ARHGAP26: variants seen among roughly 807,000 people sequenced by gnomAD.
The protein encoded by ARHGAP26 is rho GTPase-activating protein 26.
Under a neutral mutation model 104.8 loss-of-function variants are expected in ARHGAP26, and 38 were observed. The observed-to-expected ratio is 0.36, with a 90% CI of 0.28 to 0.48. The LOEUF (loss-of-function observed/expected upper bound fraction) is 0.48. Among genes scored for constraint, ARHGAP26 ranks in the 20% least tolerant of loss-of-function variants. The probability of loss-of-function intolerance (pLI) is 0.99; values close to 1 mark genes in which losing one functional copy is unlikely to be tolerated. For synonymous variants in ARHGAP26, 341 were observed against 340.0 expected, an observed-to-expected ratio of 1.00 and a Z score of -0.03; for missense variants, 704 against 947.9, an observed-to-expected ratio of 0.74 and a Z score of 3.38.
chr5:142,867,332 G>A (rs57453637), intron 1 of ARHGAP26, among the ~76,000 whole-genome samples: 1 of 137,934 alleles, frequency 7.2e-6, no homozygotes, highest in African/African-American at 3.0e-5. Flanking sequence ...TGTGTGTTTT[G>A]TTTGTTTTTG....
At chr5:143,012,576 T>TATATATATATGTATA (rs1554195628) in intron 11 of ARHGAP26, among the ~76,000 whole-genome samples, 3 of 57,036 alleles carry the variant, frequency 5.3e-5, no homozygotes, top group Non-Finnish European at 1.6e-4. Flanking sequence ...TATATATATA[T>TATATATATATGTATA]TATGATCAGG....
chr5:143,143,902 A>G (rs564482064), intron 19 of ARHGAP26, among the ~76,000 whole-genome samples: 17 of 152,310 alleles, frequency 1.1e-4, no homozygotes, highest in African/African-American at 3.8e-4. Context: ...CATGCTTACC[A>G]TTATTTGGGG....
In ARHGAP26 at chr5:142,837,126, A is replaced by AT. The variant is rs1597840872; in HGVS notation, c.155-36268dup. On this transcript the variant is annotated intron_variant, in intron 1 of 22. Coordinates refer to ENST00000645722, the MANE Select transcript of ARHGAP26 (RefSeq NM_001135608.3). ...TCTTTCTTCACCTTATCCTCTTTCC[A>AT]TTTTTTCCTCTGAGTTCTTGGGATG... 2.0e-5 allele frequency among the ~76,000 whole-genome samples: 3 copies of AT among 152,076 alleles called. No individual in the cohort carries two copies. The South Asian group carries it at 6.2e-4, about 32-fold the overall frequency.
chr5:143,073,766 G>C lies in ARHGAP26; in HGVS notation c.1538+16019G>C, dbSNP rs1369595724. 1.3e-5 allele frequency among the ~76,000 whole-genome samples: 2 copies of C among 152,232 alleles called. 1 individual carries two copies. The highest frequency in any genetic ancestry group is 3.9e-4 in the East Asian group (2 of 5,180). The stretch of plus-strand genomic sequence containing the variant: ...ATCTTAACTTGGGTTTTCTTCTCCT[G>C]GCTTCTTTATTTTTGAATTTTTATG... On this transcript the variant is annotated intron_variant, in intron 17 of 22. Transcript: ENST00000645722.
At chr5:142,820,404 G>T (rs1179093317) in intron 1 of ARHGAP26, among the ~76,000 whole-genome samples, 1 of 152,092 alleles carries the variant, frequency 6.6e-6, no homozygotes, top group Non-Finnish European at 1.5e-5. Flanking sequence ...CAGTCATTTT[G>T]TGGTTGGGTT....
At chr5:143,065,414 T>G (rs1787338814) in intron 17 of ARHGAP26, among the ~76,000 whole-genome samples, 1 of 152,204 alleles carries the variant, frequency 6.6e-6, no homozygotes, top group Non-Finnish European at 1.5e-5. Flanking sequence ...AGAACAATTG[T>G]GGCTGAAACG....
intron 1 of ARHGAP26, among the ~76,000 whole-genome samples, chr5:142,837,190 G>C (rs1176238337): frequency 1.3e-5 from 2 of 152,130 alleles, no homozygotes; most frequent in African/African-American, 2.4e-5. Context: ...CTGGGATTAG[G>C]TTCCTTTTAA....
intron 5 of ARHGAP26, among the ~76,000 whole-genome samples, chr5:142,891,591 A>G (rs1244080157): frequency 7.2e-6 from 1 of 139,058 alleles, no homozygotes; most frequent in Non-Finnish European, 1.5e-5. Context: ...TGGATGGATG[A>G]TTTGCTAAGC....
rs143694586 is a variant in ARHGAP26 at position 143,015,834 on chromosome 5, T to C, written c.1144+1718T>C. Among the ~76,000 whole-genome samples the C allele has an allele frequency of 2.2e-3, 328 of 152,326 alleles. 2 individuals are homozygous for C. Among genetic ancestry groups the C allele is most frequent in the African/African-American group, 7.7e-3 (321 of 41,568 alleles). On this transcript the variant is annotated intron_variant, in intron 12 of 22. Transcript: ENST00000645722. ...TCTCTCTACTTGGGATAAATCCCAA[T>C]AGATTTGAAGGACAACCATGGTTCT...
intron 14 of ARHGAP26, among the ~76,000 whole-genome samples, chr5:143,049,807 G>A: frequency 6.6e-6 from 1 of 152,092 alleles, no homozygotes; most frequent in South Asian, 2.1e-4. Flanking sequence ...CCTGGTTTTG[G>A]TATTTGGTCA....
chr5:143,214,001 C>T lies in ARHGAP26; in HGVS notation c.2104C>T (p.Pro702Ser). The change falls in exon 22 of 23, where the codon CCG becomes TCG. Residue 702 changes from proline to serine, a missense_variant. Pro to Ser is a moderately conservative substitution (Grantham distance 74, BLOSUM62 -1). Coordinates refer to ENST00000645722, the MANE Select transcript of ARHGAP26 (RefSeq NM_001135608.3). Reference protein sequence around the residue: ...TSSDSSPVSTPFRKAKALYAC... With the variant: ...TSSDSSPVSTSFRKAKALYAC... ...TAAACTCCTGTTTTCACACAGCACACCGTTCCGGAAGGCAAAAGCCTTGTA... is the reference window on the plus strand; with the variant it reads ...TAAACTCCTGTTTTCACACAGCACATCGTTCCGGAAGGCAAAAGCCTTGTA... 1.9e-5 allele frequency: 30 copies of T among 1,586,552 alleles called. No homozygotes were observed. The highest frequency in any genetic ancestry group is 2.6e-5 in the Non-Finnish European group (30 of 1,160,102).
rs1324279906 is a variant in ARHGAP26 at position 143,228,286 on chromosome 5, A to G, written c.*5840A>G. ...ACAGCACATATTTACATCTATGAAG[A>G]CATAGACACTTACAGAGACCCACAT... On this transcript the variant is annotated 3_prime_UTR_variant, in exon 23 of 23. Coordinates refer to ENST00000645722, the MANE Select transcript of ARHGAP26 (RefSeq NM_001135608.3). The G allele has an allele frequency of 4.5e-6, 1 of 224,696 alleles. No individual in the cohort carries two copies. The highest frequency in any genetic ancestry group is 8.9e-6 in the Non-Finnish European group (1 of 112,826). The allele number at this position is 224,696 out of a possible 1,614,324, so 13.9% of individuals were successfully genotyped here. A position where few individuals can be genotyped will look rare whatever the true frequency, so the allele number is the denominator to read the frequency against.
At chr5:142,907,453 C>T (rs1414365326) in intron 8 of ARHGAP26, 1 of 237,394 alleles carries the variant, frequency 4.2e-6, no homozygotes, top group Non-Finnish European at 8.3e-6. Context: ...TTAAGACCCA[C>T]TGGATGTAGC....
At chr5:143,206,547 A>C (rs907298910) in intron 20 of ARHGAP26, among the ~76,000 whole-genome samples, 1 of 152,078 alleles carries the variant, frequency 6.6e-6, no homozygotes, top group African/African-American at 2.4e-5. Context: ...CCCAAATTCC[A>C]CGAAAGGAGA....
chr5:143,193,027 T>C (rs574861727), intron 20 of ARHGAP26, among the ~76,000 whole-genome samples: 1 of 152,212 alleles, frequency 6.6e-6, no homozygotes, highest in South Asian at 2.1e-4. Flanking sequence ...AAATATTAAA[T>C]GAAAAATTAT....
chr5:143,226,651 C>T lies in ARHGAP26; in HGVS notation c.*4205C>T, dbSNP rs1186735062. The T allele has an allele frequency of 4.6e-6, 1 of 216,322 alleles. No homozygotes were observed. Among genetic ancestry groups the T allele is most frequent in the Admixed American group, 5.8e-5 (1 of 17,140 alleles). The allele number at this position is 216,322 out of a possible 1,614,324, so 13.4% of individuals were successfully genotyped here. On this transcript the variant is annotated 3_prime_UTR_variant, in exon 23 of 23. Transcript: ENST00000645722. ...ATGGACCCTGTGCATTGTGGCCTGC[C>T]TTGGTGTCCTAGAATTGGAGCCAGT...
intron 1 of ARHGAP26, among the ~76,000 whole-genome samples, chr5:142,815,529 A>G (rs1252570720): frequency 6.6e-6 from 1 of 152,268 alleles, no homozygotes; most frequent in Non-Finnish European, 1.5e-5. Context: ...TGGTTAAAAA[A>G]GTTTGCTAAG....
intron 11 of ARHGAP26, among the ~76,000 whole-genome samples, chr5:142,998,937 A>T (rs964275577): frequency 6.6e-6 from 1 of 152,110 alleles, no homozygotes; most frequent in Non-Finnish European, 1.5e-5. Context: ...CTGTCAGCAG[A>T]TCCCAATTTT....
At chr5:143,156,147 AT>A (rs1266584347) in intron 20 of ARHGAP26, among the ~76,000 whole-genome samples, 2 of 152,180 alleles carry the variant, frequency 1.3e-5, no homozygotes, top group Admixed American at 1.3e-4. Flanking sequence ...ACCTCTGTGT[AT>A]TTAATCTGAG....
Sources: gnomAD v4.1 joint callset for allele counts (sites outside exome capture counted in the v4.1 genomes callset) on GRCh38, gnomAD v4.1.1 for gene constraint, MANE v1.5 for transcripts, NCBI Gene and HGNC (gene_info 2026-07-23, HGNC 2026-07-21) for gene names.